SMAP1: variants seen among roughly 807,000 people sequenced by gnomAD.
The protein encoded by SMAP1 is stromal membrane-associated protein 1.
A neutral mutation model predicts 58.5 loss-of-function variants in SMAP1; 24 were observed. The ratio of observed to expected loss-of-function variants is 0.41; its 90% confidence interval spans 0.30 to 0.58. The LOEUF (loss-of-function observed/expected upper bound fraction) is 0.58, where lower values mean the gene tolerates loss of function less well. Among genes scored for constraint, SMAP1 ranks in the 20% least tolerant of loss-of-function variants. The probability of loss-of-function intolerance (pLI) is 0.29; values close to 1 mark genes in which losing one functional copy is unlikely to be tolerated. For missense variants in SMAP1, 563 were observed against 566.3 expected, an observed-to-expected ratio of 0.99 and a Z score of 0.06; for synonymous variants, 216 against 196.6, an observed-to-expected ratio of 1.10 and a Z score of -0.82.
At chr6:70,729,965 C>T (rs1339729914) in intron 1 of SMAP1, among the ~76,000 whole-genome samples, 1 of 152,162 alleles carries the variant, frequency 6.6e-6, no homozygotes, top group African/African-American at 2.4e-5. Flanking sequence ...AATTAAGAGT[C>T]TTCATTTTCA....
intron 3 of SMAP1, among the ~76,000 whole-genome samples, chr6:70,767,610 AC>A (rs1407133535): frequency 6.6e-6 from 1 of 151,084 alleles, no homozygotes; most frequent in Non-Finnish European, 1.5e-5. Context: ...GTATCCTGAG[AC>A]TTTGCTGAAG....
chr6:70,732,233 G>T (rs532533134), intron 1 of SMAP1, 145 bp from the exon 2 acceptor site: 13 of 741,886 alleles, frequency 1.8e-5, no homozygotes, highest in South Asian at 2.5e-5. Flanking sequence ...GCAGACTGCC[G>T]CCAGTACCAT....
intron 2 of SMAP1, among the ~76,000 whole-genome samples, chr6:70,737,295 C>A (rs1423920284): frequency 6.6e-6 from 1 of 152,152 alleles, no homozygotes; most frequent in Non-Finnish European, 1.5e-5. Flanking sequence ...GCATGAGCCA[C>A]CATGCCTGGC....
chr6:70,842,196 T>C (rs867307494), intron 7 of SMAP1, among the ~76,000 whole-genome samples: 3 of 152,210 alleles, frequency 2.0e-5, no homozygotes, highest in Non-Finnish European at 4.4e-5. Context: ...GTTATGTTTT[T>C]CAGAGATGGT....
rs1189143944 is a variant in SMAP1 at position 70,860,983 on chromosome 6, A to G, written c.*649A>G. On this transcript the variant is annotated 3_prime_UTR_variant, in exon 11 of 11. Transcript: ENST00000370455. ...TAATTTGGATCTCTTCTTAATGTAC[A>G]TAGTGCTAACATGAAGACCTTTTTC... 3 of 328,052 alleles carry G rather than the reference A, an allele frequency of 9.1e-6. No homozygotes were observed. Among genetic ancestry groups the G allele is most frequent in the East Asian group, 4.5e-5 (1 of 22,288 alleles). The allele number at this position is 328,052 out of a possible 1,614,324, so 20.3% of individuals were successfully genotyped here.
intron 1 of SMAP1, among the ~76,000 whole-genome samples, chr6:70,706,072 A>G (rs561547238): frequency 1.3e-5 from 2 of 152,288 alleles, no homozygotes; most frequent in South Asian, 4.1e-4. Flanking sequence ...AAGAGAAGAA[A>G]GTTTTGGATA....
At chr6:70,687,867 T>C (rs1766996176) in intron 1 of SMAP1, among the ~76,000 whole-genome samples, 1 of 152,174 alleles carries the variant, frequency 6.6e-6, no homozygotes, top group Non-Finnish European at 1.5e-5. Flanking sequence ...TGAAGATTCA[T>C]ATATCTGCCA....
At chr6:70,728,837 C>T (rs1248540195) in intron 1 of SMAP1, among the ~76,000 whole-genome samples, 4 of 152,144 alleles carry the variant, frequency 2.6e-5, no homozygotes, top group African/African-American at 7.2e-5. Context: ...TTATCTTTCT[C>T]CCTCTTCTTC....
At chr6:70,786,906 A>C (rs1321112070) in intron 4 of SMAP1, among the ~76,000 whole-genome samples, 1 of 152,186 alleles carries the variant, frequency 6.6e-6, no homozygotes. Flanking sequence ...TTGCATCCCC[A>C]TCAAGCTACC....
At chr6:70,726,158 A>G (rs185461213) in intron 1 of SMAP1, among the ~76,000 whole-genome samples, 85 of 152,266 alleles carry the variant, frequency 5.6e-4, no homozygotes, top group African/African-American at 2.0e-3. Context: ...CATATTTGTT[A>G]GGATTAAACC....
chr6:70,841,869 T>C (rs140963140), intron 7 of SMAP1, among the ~76,000 whole-genome samples: 2 of 152,280 alleles, frequency 1.3e-5, no homozygotes, highest in East Asian at 3.9e-4. Flanking sequence ...ATGAGAGAGG[T>C]GAATACAGAA....
At chr6:70,802,115 A>AT (rs1228347854) in intron 6 of SMAP1, among the ~76,000 whole-genome samples, 4 of 152,158 alleles carry the variant, frequency 2.6e-5, no homozygotes, top group Non-Finnish European at 1.5e-5. Context: ...CAGTATGGCC[A>AT]TTTTCACGAT....
intron 1 of SMAP1, among the ~76,000 whole-genome samples, chr6:70,714,042 T>G (rs749012598): frequency 6.6e-6 from 1 of 152,216 alleles, no homozygotes; most frequent in Non-Finnish European, 1.5e-5. Flanking sequence ...TGTACTTCGA[T>G]GCAAATATGG....
At chr6:70,678,784 C>T (rs1766584011) in intron 1 of SMAP1, among the ~76,000 whole-genome samples, 1 of 152,144 alleles carries the variant, frequency 6.6e-6, no homozygotes, top group Non-Finnish European at 1.5e-5. Context: ...TTGAAACTAG[C>T]AGTGTGTCAT....
At chr6:70,805,103 T>G (rs1214736476) in intron 6 of SMAP1, among the ~76,000 whole-genome samples, 1 of 152,204 alleles carries the variant, frequency 6.6e-6, no homozygotes, top group Non-Finnish European at 1.5e-5. Flanking sequence ...GTTTTCCAAC[T>G]TGGTTTCATT....
intron 1 of SMAP1, among the ~76,000 whole-genome samples, chr6:70,710,335 A>G (rs867026319): frequency 6.6e-6 from 1 of 151,948 alleles, no homozygotes. Context: ...TACTAAAAAT[A>G]CAAAAATTAG....
intron 1 of SMAP1, among the ~76,000 whole-genome samples, chr6:70,731,121 C>T (rs1455720991): frequency 6.6e-6 from 1 of 152,146 alleles, no homozygotes; most frequent in Non-Finnish European, 1.5e-5. Flanking sequence ...ATTGATATCT[C>T]TTACTATATA....
At chr6:70,757,369 C>T in intron 3 of SMAP1, among the ~76,000 whole-genome samples, 1 of 151,374 alleles carries the variant, frequency 6.6e-6, no homozygotes, top group East Asian at 1.9e-4. Context: ...AAAATCAATT[C>T]AAGATGGATT....
At chr6:70,847,246 T>C (rs1262858789) in intron 7 of SMAP1, among the ~76,000 whole-genome samples, 1 of 152,182 alleles carries the variant, frequency 6.6e-6, no homozygotes, top group African/African-American at 2.4e-5. Context: ...TTGTCATATT[T>C]GAAATGTTAC....
Sources: allele counts gnomAD v4.1 joint callset (sites outside exome capture counted in the v4.1 genomes callset), GRCh38; gene constraint gnomAD v4.1.1; transcripts MANE v1.5; gene names NCBI Gene and HGNC (gene_info 2026-07-23, HGNC 2026-07-21).